The following MAPRE3 variants were observed in gnomAD, a reference collection of about 807,000 sequenced individuals.
MAPRE3 encodes microtubule-associated protein RP/EB family member 3.
Under a neutral mutation model 30.5 loss-of-function variants are expected in MAPRE3, and 2 were observed. The ratio of observed to expected loss-of-function variants is 0.07; its 90% CI spans 0.03 to 0.21. The LOEUF (loss-of-function observed/expected upper bound fraction) is 0.21. Ranked by LOEUF, MAPRE3 falls within the 10% of genes least tolerant of loss-of-function variation. The pLI is 1.00. For synonymous variants in MAPRE3, 110 were observed against 127.7 expected (o/e 0.86, Z 0.93); for missense variants, 204 against 351.8 (o/e 0.58, Z 3.36).
At chr2:27,001,509 CATAG>C (rs558736050) in intron 1 of MAPRE3, among the ~76,000 whole-genome samples, 32 of 152,044 alleles carry the variant, frequency 2.1e-4, no homozygotes, top group African/African-American at 4.1e-4. Flanking sequence ...TCCCATCATT[CATAG>C]ATAGATAGAT....
At chr2:26,982,060 A>G (rs1004036606) in intron 1 of MAPRE3, among the ~76,000 whole-genome samples, 1 of 152,146 alleles carries the variant, frequency 6.6e-6, no homozygotes, top group Non-Finnish European at 1.5e-5. Context: ...TCTCCTCCAC[A>G]AGGTGCTTTG....
chr2:27,018,895 T>TTTTTTTTATTTATTTATTTATTTA (rs376046795), intron 1 of MAPRE3, among the ~76,000 whole-genome samples: 126 of 146,944 alleles, frequency 8.6e-4, no homozygotes, highest in African/African-American at 3.0e-3. Context: ...GCACACACAT[T>TTTTTTTTATTTATTTATTTATTTA]TTTATTTATT....
At chr2:27,013,747 C>T (rs1179960288) in intron 1 of MAPRE3, 1 of 152,168 alleles carries the variant, frequency 6.6e-6, no homozygotes, top group Non-Finnish European at 1.5e-5. Flanking sequence ...CTGCTCAGGA[C>T]CCTGATCAGA....
intron 1 of MAPRE3, chr2:27,012,297 C>G (rs186979849): frequency 6.6e-6 from 1 of 152,190 alleles, no homozygotes; most frequent in African/African-American, 2.4e-5. Context: ...GCAAGTCATC[C>G]TGCTCTAGAG....
chr2:26,979,011 C>G (rs938459228), intron 1 of MAPRE3, among the ~76,000 whole-genome samples: 4 of 152,194 alleles, frequency 2.6e-5, no homozygotes, highest in Non-Finnish European at 4.4e-5. Context: ...CTGTATGTCA[C>G]TGTAACATGA....
Position 27,025,617 on chromosome 2 carries a change from C to T in MAPRE3, c.504C>T (p.Asn168=). The T allele has an allele frequency of 1.3e-6, 2 of 1,595,188 alleles. No homozygotes were observed. The highest frequency in any genetic ancestry group is 1.7e-6 in the Non-Finnish European group (2 of 1,171,188). Residue 168 remains asparagine, a synonymous_variant, in exon 5 of 7, where the codon AAC becomes AAT. Coordinates refer to ENST00000233121, the MANE Select transcript of MAPRE3 (RefSeq NM_012326.4). The stretch of plus-strand genomic sequence containing the variant: ...GGACGTCCCCCACAGGCCCAAAAAA[C>T]ATGCAGACCTCTGGCCGGCTGAGCA... ...PQRTSPTGPK[N]MQTSGRLSNV...
At chr2:27,010,253 C>T (rs150387147) in intron 1 of MAPRE3, among the ~76,000 whole-genome samples, 294 of 152,270 alleles carry the variant, frequency 1.9e-3, no homozygotes, top group Non-Finnish European at 3.1e-3. Context: ...ATTATATAAA[C>T]ACATTTCTTA....
At chr2:26,996,583 A>G (rs1186993632) in intron 1 of MAPRE3, among the ~76,000 whole-genome samples, 2 of 151,912 alleles carry the variant, frequency 1.3e-5, no homozygotes, top group African/African-American at 4.8e-5. Flanking sequence ...CGGGCAGATC[A>G]TGAGGTCAGG....
At chr2:26,994,155 T>C (rs1296307806) in intron 1 of MAPRE3, among the ~76,000 whole-genome samples, 1 of 152,244 alleles carries the variant, frequency 6.6e-6, no homozygotes, top group African/African-American at 2.4e-5. Flanking sequence ...ATCTAGTCTC[T>C]CAGGTATTTT....
chr2:26,972,129 T>C (rs1665926555), intron 1 of MAPRE3, among the ~76,000 whole-genome samples: 1 of 152,224 alleles, frequency 6.6e-6, no homozygotes, highest in South Asian at 2.1e-4. Context: ...GTCAGCTTCT[T>C]TTTTATTTGG....
At position 27,026,392 on chromosome 2, in the gene MAPRE3, C is replaced by T; in HGVS notation, c.*44C>T. The T allele has an allele frequency of 6.7e-7, 1 of 1,499,764 alleles. No individual in the cohort carries two copies. The highest frequency in any genetic ancestry group is 1.2e-5 in the South Asian group (1 of 86,306). The allele number at this position is 1,499,764 out of a possible 1,614,324, so 92.9% of individuals were successfully genotyped here. A position where few individuals can be genotyped will look rare whatever the true frequency, so the allele number is the denominator to read the frequency against. On this transcript the variant is annotated 3_prime_UTR_variant, in exon 7 of 7. Coordinates refer to ENST00000233121, the MANE Select transcript of MAPRE3 (RefSeq NM_012326.4). ...CTGACTGCACAGCTTCCCCGTGCCT[C>T]CCTCCCTGCTCCACTCCCACATTAT...
chr2:26,995,985 C>T (rs1666451308), intron 1 of MAPRE3, among the ~76,000 whole-genome samples: 1 of 151,874 alleles, frequency 6.6e-6, no homozygotes, highest in Non-Finnish European at 1.5e-5. Context: ...CCTATCGCCT[C>T]TATTCCTTGT....
rs1667180986 is a variant in MAPRE3 at position 27,024,254 on chromosome 2, T to C, written c.426T>C (p.Gly142=). 1 of 1,614,122 alleles carries C rather than the reference T, an allele frequency of 6.2e-7. No individual in the cohort carries two copies. The highest frequency in any genetic ancestry group is 8.5e-7 in the Non-Finnish European group (1 of 1,179,970). The part of the protein sequence containing the change: ...GQDVAPPPNP[G]DQIFNKSKKL... ...ACGTAGCGCCACCTCCTAACCCAGG[T>C]GATCAGATCTTCAACAAATCCAAGA... The change falls in exon 4 of 7, where the codon GGT becomes GGC. Residue 142 remains glycine, a synonymous_variant. Transcript: ENST00000233121.
intron 1 of MAPRE3, among the ~76,000 whole-genome samples, chr2:27,010,357 C>T (rs915552739): frequency 6.6e-6 from 1 of 151,294 alleles, no homozygotes; most frequent in Non-Finnish European, 1.5e-5. Flanking sequence ...AAATCTAGAA[C>T]TTGAGGGTAG....
chr2:26,995,780 G>GGTTGTGTGT (rs1553327979), intron 1 of MAPRE3, among the ~76,000 whole-genome samples: 1 of 109,638 alleles, frequency 9.1e-6, no homozygotes, highest in Non-Finnish European at 1.8e-5. Context: ...TTCTAAGAGA[G>GGTTGTGTGT]GTGTGTGTGT....
intron 1 of MAPRE3, among the ~76,000 whole-genome samples, chr2:27,018,026 T>C (rs1426570653): frequency 1.3e-5 from 2 of 152,136 alleles, no homozygotes; most frequent in African/African-American, 2.4e-5. Context: ...TGGAAGACCC[T>C]TGAGGCTCAA....
At position 27,019,636 on chromosome 2, in the gene MAPRE3, G is replaced by A. The variant is rs184997899; in HGVS notation, c.-7-2576G>A. 1.2e-4 allele frequency among the ~76,000 whole-genome samples: 19 copies of A among 152,274 alleles called. No homozygotes were observed. In the South Asian group the frequency reaches 2.1e-3, roughly 17 times the overall value. ...CTCAAGTGCAGTCAACATTACTCTCGGAAAGCTCTGAAATTGCCAGGTCTT... is the reference window on the plus strand; with the variant it reads ...CTCAAGTGCAGTCAACATTACTCTCAGAAAGCTCTGAAATTGCCAGGTCTT... On this transcript the variant is annotated intron_variant, in intron 1 of 6. Coordinates refer to ENST00000233121, the MANE Select transcript of MAPRE3 (RefSeq NM_012326.4).
intron 1 of MAPRE3, 24 bp from the exon 2 acceptor site, chr2:27,022,188 C>T: frequency 6.2e-7 from 1 of 1,611,320 alleles, no homozygotes; most frequent in Non-Finnish European, 8.5e-7. Context: ...CAGTGCTGAC[C>T]TCACCTTTCT....
At chr2:27,006,532 G>A (rs1479211725) in intron 1 of MAPRE3, among the ~76,000 whole-genome samples, 3 of 152,204 alleles carry the variant, frequency 2.0e-5, no homozygotes, top group African/African-American at 7.2e-5. Context: ...CTGGGCTCAA[G>A]CAATTCTTCC....
Sources: allele counts gnomAD v4.1 joint callset (sites outside exome capture counted in the v4.1 genomes callset), GRCh38; gene constraint gnomAD v4.1.1; transcripts MANE v1.5; gene names NCBI Gene and HGNC (gene_info 2026-07-23, HGNC 2026-07-21).